Variants in SHISA9 observed in about 807,000 individuals in gnomAD.
The protein encoded by SHISA9 is shisa family member 9.
A neutral mutation model predicts 38.0 loss-of-function variants in SHISA9; 13 were observed. The observed-to-expected ratio is 0.34, with a 90% CI of 0.22 to 0.54. SHISA9 has a LOEUF of 0.54. SHISA9 is among the 20% of genes least tolerant of loss of function. SHISA9 has a pLI of 0.91. For synonymous variants in SHISA9, 275 were observed against 242.0 expected (o/e 1.14, Z -1.27); for missense variants, 538 against 575.8 (o/e 0.93, Z 0.67).
At chr16:13,550,802 G>T in the SHISA9 span, among the ~76,000 whole-genome samples, 1 of 152,178 alleles carries the variant, frequency 6.6e-6, no homozygotes, top group Non-Finnish European at 1.5e-5. Context: ...AACTTGATTT[G>T]TGGGAAGAAC....
At chr16:13,289,459 G>A in the SHISA9 span, among the ~76,000 whole-genome samples, 10 of 151,882 alleles carry the variant, frequency 6.6e-5, no homozygotes, top group Non-Finnish European at 1.3e-4. Context: ...AGTAACCAGG[G>A]AATTACTTTC....
intron 2 of SHISA9, among the ~76,000 whole-genome samples, chr16:13,004,349 A>G (rs1030366262): frequency 1.3e-5 from 2 of 152,354 alleles, no homozygotes; most frequent in South Asian, 2.1e-4. Context: ...TCAGTGTGTT[A>G]AATATCTCCA....
intron 2 of SHISA9, among the ~76,000 whole-genome samples, chr16:13,094,883 C>T (rs978085727): frequency 6.6e-6 from 1 of 152,122 alleles, no homozygotes; most frequent in Non-Finnish European, 1.5e-5. Context: ...CAAATAGAGA[C>T]AGTAATTTAG....
downstream of SHISA9, among the ~76,000 whole-genome samples, chr16:13,245,213 T>A (rs2051462985): frequency 6.6e-6 from 1 of 152,178 alleles, no homozygotes; most frequent in Admixed American, 6.5e-5. Flanking sequence ...CTCTGCACCC[T>A]GCCTTATTGC....
the SHISA9 span, among the ~76,000 whole-genome samples, chr16:13,367,679 AGTGTACACGCGTGTGCGTGCGC>A: frequency 2.9e-4 from 42 of 144,950 alleles, no homozygotes; most frequent in Non-Finnish European, 5.0e-4. Flanking sequence ...TGTTTCCTGA[AGTGTACACGCGTGTGCGTGCGC>A]GCGCGCGCGC....
chr16:13,376,790 C>T, the SHISA9 span, among the ~76,000 whole-genome samples: 18 of 152,038 alleles, frequency 1.2e-4, no homozygotes, highest in African/African-American at 4.1e-4. Context: ...ACCTCTTGGG[C>T]GATCCTCCCA....
At chr16:13,027,414 G>C (rs1274907014) in intron 2 of SHISA9, among the ~76,000 whole-genome samples, 2 of 152,086 alleles carry the variant, frequency 1.3e-5, no homozygotes, top group African/African-American at 4.8e-5. Context: ...TATACACTTA[G>C]CATGCAACCC....
At chr16:13,516,163 C>T in the SHISA9 span, among the ~76,000 whole-genome samples, 1 of 152,140 alleles carries the variant, frequency 6.6e-6, no homozygotes, top group Non-Finnish European at 1.5e-5. Context: ...CCAGATAAAC[C>T]ACAGAGCTAA....
intron 4 of SHISA9, among the ~76,000 whole-genome samples, chr16:13,221,436 G>T (rs1190809964): frequency 9.4e-6 from 1 of 106,628 alleles, no homozygotes; most frequent in East Asian, 3.2e-4. Flanking sequence ...GAAATACCTG[G>T]ACTTTTTTTT....
At position 12,950,617 on chromosome 16, in the gene SHISA9, G is replaced by GT. The variant is rs879473295; in HGVS notation, c.691+33814dup. 8.2e-3 allele frequency among the ~76,000 whole-genome samples: 1,181 copies of GT among 143,356 alleles called. 6 individuals are homozygous for GT. Among genetic ancestry groups the GT allele is most frequent in the Middle Eastern group, 0.036 (10 of 280 alleles). The allele number at this position is 143,356 out of a possible 152,430, so 94.0% of individuals were successfully genotyped here. A position where few individuals can be genotyped will look rare whatever the true frequency, so the allele number is the denominator to read the frequency against. On this transcript the variant is annotated intron_variant, in intron 2 of 4. Transcript: ENST00000558583. ...GATCTACCATATGACCTTTTAATTT[G>GT]TTTTTTTTTTTTGAGATGGAGTGTC... is the stretch of plus-strand genomic sequence containing the variant.
intron 1 of SHISA9, among the ~76,000 whole-genome samples, chr16:12,905,595 A>ATTTT (rs57837915): frequency 2.8e-5 from 4 of 141,896 alleles, no homozygotes; most frequent in South Asian, 2.3e-4. Context: ...TTTTATTTGC[A>ATTTT]TTTTTTTTTT....
chr16:13,476,738 G>GTGTTTTTTTTTTTTTTTTTTT, the SHISA9 span, among the ~76,000 whole-genome samples: 1 of 65,228 alleles, frequency 1.5e-5, no homozygotes, highest in African/African-American at 5.5e-5. Flanking sequence ...CCTGTTTTGT[G>GTGTTTTTTTTTTTTTTTTTTT]TTTTTTTTTT....
chr16:13,338,611 G>A, the SHISA9 span, among the ~76,000 whole-genome samples: 2 of 152,112 alleles, frequency 1.3e-5, no homozygotes, highest in South Asian at 2.1e-4. Flanking sequence ...TACACTGCAC[G>A]TCCTGCCTTT....
At chr16:12,941,498 A>G (rs182883901) in intron 2 of SHISA9, among the ~76,000 whole-genome samples, 148 of 152,360 alleles carry the variant, frequency 9.7e-4, no homozygotes, top group African/African-American at 3.4e-3. Flanking sequence ...TATCCATCCC[A>G]TCAAGCATTT....
At chr16:13,026,510 C>G (rs1553284) in intron 2 of SHISA9, among the ~76,000 whole-genome samples, 51,291 of 152,046 alleles carry the variant, frequency 0.34, 8,839 homozygotes, top group African/African-American at 0.39. Flanking sequence ...TGTATCTTAG[C>G]TTTTGTGAAT....
At chr16:13,470,145 T>C in the SHISA9 span, among the ~76,000 whole-genome samples, 3 of 152,196 alleles carry the variant, frequency 2.0e-5, no homozygotes, top group Non-Finnish European at 4.4e-5. Flanking sequence ...ATAAGAAAAG[T>C]TGCCTCTCAG....
At chr16:13,311,156 T>G in the SHISA9 span, among the ~76,000 whole-genome samples, 1 of 152,116 alleles carries the variant, frequency 6.6e-6, no homozygotes, top group African/African-American at 2.4e-5. Flanking sequence ...TGATTCTTCT[T>G]GCTCTTCATG....
intron 2 of SHISA9, among the ~76,000 whole-genome samples, chr16:12,969,788 G>A (rs1303102994): frequency 6.6e-6 from 1 of 152,120 alleles, no homozygotes; most frequent in East Asian, 1.9e-4. Context: ...AGTGTGAAGT[G>A]TACACTGGAA....
chr16:13,229,981 C>CT (rs1431732426), intron 4 of SHISA9, among the ~76,000 whole-genome samples: 1 of 152,132 alleles, frequency 6.6e-6, no homozygotes, highest in Non-Finnish European at 1.5e-5. Flanking sequence ...TAGCACTTAC[C>CT]ATAGTTATAC....
Sources: allele counts gnomAD v4.1 joint callset (sites outside exome capture counted in the v4.1 genomes callset), GRCh38; gene constraint gnomAD v4.1.1; transcripts MANE v1.5; gene names NCBI Gene and HGNC (gene_info 2026-07-23, HGNC 2026-07-21).